SLC25A48: variants seen among roughly 807,000 people sequenced by gnomAD.
SLC25A48 encodes the protein CTC-321K16.1.
In SLC25A48, 29 loss-of-function variants were observed where a neutral mutation model predicts 32.2. The ratio of observed to expected loss-of-function variants is 0.90; its 90% confidence interval spans 0.67 to 1.23. SLC25A48 has a LOEUF of 1.23. SLC25A48 is among the 50% of genes most tolerant of loss of function. SLC25A48 has a pLI of 0.00. For missense variants in SLC25A48, 399 were observed against 422.7 expected (o/e 0.94, Z 0.49); for synonymous variants, 164 against 172.3 (o/e 0.95, Z 0.38).
chr5:135,786,304 T>G (rs1372116500), intron 3 of SLC25A48, among the ~76,000 whole-genome samples: 1 of 152,116 alleles, frequency 6.6e-6, no homozygotes, highest in Non-Finnish European at 1.5e-5. Context: ...AGGGTGATGT[T>G]TTTTCTAATG....
intron 3 of SLC25A48, among the ~76,000 whole-genome samples, chr5:135,665,719 G>A (rs1753506340): frequency 6.6e-6 from 1 of 150,590 alleles, no homozygotes; most frequent in South Asian, 2.1e-4. Context: ...TTTGATAAAT[G>A]ACTTTTTGAT....
At position 135,834,714 on chromosome 5, in the gene SLC25A48, G is replaced by C; in HGVS notation, c.-134G>C. 1.0e-6 allele frequency: 1 copy of C among 979,894 alleles called. No individual in the cohort carries two copies. The highest frequency in any genetic ancestry group is 1.5e-6 in the Non-Finnish European group (1 of 675,028). 60.7% of individuals were successfully genotyped at this position (979,894 alleles called of 1,614,324 possible). On this transcript the variant is annotated 5_prime_UTR_variant, in exon 1 of 8. Coordinates refer to ENST00000681962, the MANE Select transcript of SLC25A48 (RefSeq NM_001349336.2). ...GCGCAGCCGGTGACTGGGGGACTGGGTTTGGAGTAGGACCTGCGGCGTGCT... is the reference window on the plus strand; with the variant it reads ...GCGCAGCCGGTGACTGGGGGACTGGCTTTGGAGTAGGACCTGCGGCGTGCT...
At chr5:135,658,974 G>A (rs1334581134) in intron 3 of SLC25A48, among the ~76,000 whole-genome samples, 1 of 152,200 alleles carries the variant, frequency 6.6e-6, no homozygotes. Flanking sequence ...GACCCGTGAT[G>A]GGAGGGGCTG....
chr5:135,694,203 C>T (rs1052907057), intron 3 of SLC25A48, among the ~76,000 whole-genome samples: 2 of 152,156 alleles, frequency 1.3e-5, no homozygotes, highest in East Asian at 1.9e-4. Context: ...TGAAACACCA[C>T]GGGTCTCCTG....
At chr5:135,751,773 C>T (rs571297261) in intron 3 of SLC25A48, among the ~76,000 whole-genome samples, 185 of 152,116 alleles carry the variant, frequency 1.2e-3, no homozygotes, top group African/African-American at 4.3e-3. Flanking sequence ...CTGCAATGAG[C>T]GATGAGCTAT....
intron 3 of SLC25A48, among the ~76,000 whole-genome samples, chr5:135,728,192 G>A (rs1221326800): frequency 6.6e-6 from 1 of 151,302 alleles, no homozygotes; most frequent in African/African-American, 2.4e-5. Flanking sequence ...GGAGGCGGAG[G>A]TTGCAGTGGG....
chr5:135,888,382 C>T lies in SLC25A48; in HGVS notation c.*358C>T, dbSNP rs113212575. The stretch of plus-strand genomic sequence containing the variant: ...TCCTCTGTCTGAGGATGGGGAGGGG[C>T]CAGTGAGCTCTGGGCTCAGCCACTC... On this transcript the variant is annotated 3_prime_UTR_variant, in exon 8 of 8. Coordinates refer to ENST00000681962, the MANE Select transcript of SLC25A48 (RefSeq NM_001349336.2). 1 of 305,948 alleles carries T rather than the reference C, an allele frequency of 3.3e-6. No individual in the cohort carries two copies. Among genetic ancestry groups the T allele is most frequent in the Non-Finnish European group, 6.2e-6 (1 of 160,870 alleles). 19.0% of individuals were successfully genotyped at this position (305,948 alleles called of 1,614,324 possible). A position where few individuals can be genotyped will look rare whatever the true frequency, so the allele number is the denominator to read the frequency against.
intron 3 of SLC25A48, among the ~76,000 whole-genome samples, chr5:135,763,791 G>A (rs1236159606): frequency 9.7e-6 from 1 of 102,922 alleles, no homozygotes; most frequent in Non-Finnish European, 2.2e-5. Flanking sequence ...ACACACACAC[G>A]AGAGAGAGAC....
chr5:135,721,191 C>CTTTTT (rs1754944273), intron 3 of SLC25A48, among the ~76,000 whole-genome samples: 1 of 76,856 alleles, frequency 1.3e-5, no homozygotes, highest in Non-Finnish European at 3.1e-5. Flanking sequence ...CCATGCCTGG[C>CTTTTT]CTTTTTTTTT....
intron 3 of SLC25A48, among the ~76,000 whole-genome samples, chr5:135,722,457 T>C (rs1754979641): frequency 6.6e-6 from 1 of 152,206 alleles, no homozygotes; most frequent in Non-Finnish European, 1.5e-5. Context: ...GCGATTTTTA[T>C]TTTCTTTCTC....
chr5:135,865,636 A>G (rs1761128678), intron 4 of SLC25A48, among the ~76,000 whole-genome samples: 1 of 151,774 alleles, frequency 6.6e-6, no homozygotes, highest in African/African-American at 2.4e-5. Flanking sequence ...TATATATGGG[A>G]CTCGGGCCAT....
intron 3 of SLC25A48, among the ~76,000 whole-genome samples, chr5:135,769,371 A>G (rs1756339644): frequency 6.6e-6 from 1 of 151,242 alleles, no homozygotes; most frequent in Non-Finnish European, 1.5e-5. Flanking sequence ...TACTCCAAAT[A>G]TCCCAAGGAG....
intron 3 of SLC25A48, among the ~76,000 whole-genome samples, chr5:135,808,674 G>A (rs1757526488): frequency 6.6e-6 from 1 of 152,080 alleles, no homozygotes; most frequent in African/African-American, 2.4e-5. Context: ...TAAGATGTCG[G>A]TGTCAAGTCT....
intron 7 of SLC25A48, among the ~76,000 whole-genome samples, chr5:135,882,096 T>C (rs1002409492): frequency 6.6e-6 from 1 of 152,198 alleles, no homozygotes; most frequent in Admixed American, 6.5e-5. Context: ...ACCAACCCAA[T>C]TGGAAGCTTT....
chr5:135,728,879 CACACAT>C lies in SLC25A48; in HGVS notation c.-520-83638_-520-83633del, dbSNP rs61298284. ...ACACACACACACACACACACACACACACACATACACACACACCCCAAGGCTTGGATA... is the reference window on the plus strand; with the variant it reads ...ACACACACACACACACACACACACACACACACACACCCCAAGGCTTGGATA... On this transcript the variant is annotated intron_variant, in intron 3 of 10. Coordinates refer to the SLC25A48 transcript ENST00000646290. Among the ~76,000 whole-genome samples the C allele has an allele frequency of 7.4e-3, 809 of 109,002 alleles. 14 individuals carry two copies. Among genetic ancestry groups the C allele is most frequent in the African/African-American group, 0.022 (769 of 34,816 alleles). 71.5% of individuals were successfully genotyped at this position (109,002 alleles called of 152,430 possible).
intron 3 of SLC25A48, among the ~76,000 whole-genome samples, chr5:135,645,361 T>A (rs946101704): frequency 2.0e-5 from 3 of 152,232 alleles, no homozygotes; most frequent in African/African-American, 7.2e-5. Flanking sequence ...TCACTGAGCA[T>A]GAAATACCCC....
At position 135,756,843 on chromosome 5, in the gene SLC25A48, AAC is replaced by A. The variant is rs1245203709; in HGVS notation, c.-520-55676_-520-55675del. On this transcript the variant is annotated intron_variant, in intron 3 of 10. Transcript: ENST00000646290. ...GATGATATTTATAATATCTAGTGTT[AAC>A]ACAGTGTTAGCACACTATATTAATA... 2.0e-5 allele frequency among the ~76,000 whole-genome samples: 3 copies of A among 151,896 alleles called. No individual in the cohort carries two copies. The East Asian group carries it at 5.8e-4, about 29-fold the overall frequency.
At chr5:135,727,643 A>T (rs138899056) in intron 3 of SLC25A48, among the ~76,000 whole-genome samples, 1 of 152,290 alleles carries the variant, frequency 6.6e-6, no homozygotes, top group Non-Finnish European at 1.5e-5. Context: ...TTGTTCCAAC[A>T]TCATTTATTG....
chr5:135,765,243 C>T (rs35767093), intron 3 of SLC25A48, among the ~76,000 whole-genome samples: 107,172 of 151,180 alleles, frequency 0.71, 39,416 homozygotes, highest in Middle Eastern at 0.83. Flanking sequence ...TTACTCCCCA[C>T]ATCGCAGGGT....
Sources: allele counts gnomAD v4.1 joint callset (sites outside exome capture counted in the v4.1 genomes callset), GRCh38; gene constraint gnomAD v4.1.1; transcripts MANE v1.5; gene names NCBI Gene and HGNC (gene_info 2026-07-23, HGNC 2026-07-21).